Variants in DYNC2I2 observed in about 807,000 individuals in gnomAD.
DYNC2I2 encodes cytoplasmic dynein 2 intermediate chain 2.
Under a neutral mutation model 52.0 loss-of-function variants are expected in DYNC2I2, and 39 were observed. That is an observed-to-expected ratio of 0.75 (90% confidence interval 0.58 to 0.98). The LOEUF (loss-of-function observed/expected upper bound fraction) is 0.98. Among genes scored for constraint, DYNC2I2 ranks in the 50% least tolerant of loss-of-function variants. DYNC2I2 has a pLI of 0.00. For missense variants in DYNC2I2, 743 were observed against 728.4 expected (o/e 1.02, Z -0.23); for synonymous variants, 359 against 321.1 (o/e 1.12, Z -1.26).
chr9:128,644,557 G>A (rs939018892), intron 1 of DYNC2I2, among the ~76,000 whole-genome samples: 2 of 152,100 alleles, frequency 1.3e-5, no homozygotes, highest in Non-Finnish European at 2.9e-5. Flanking sequence ...GGGATTACAG[G>A]CGTGAGCCAC....
At chr9:128,658,721 A>ATTTTTTTT (rs746310535), upstream of DYNC2I2, among the ~76,000 whole-genome samples, 4 of 91,544 alleles carry the variant, frequency 4.4e-5, no homozygotes, top group Non-Finnish European at 6.1e-5. Context: ...ACCTGACCTA[A>ATTTTTTTT]TTTTTTTTTT....
chr9:128,669,156 G>A, the DYNC2I2 span, among the ~76,000 whole-genome samples: 3 of 152,168 alleles, frequency 2.0e-5, no homozygotes, highest in African/African-American at 7.2e-5. Context: ...ACGAGGTCAG[G>A]AGATCAAGAC....
In DYNC2I2 at chr9:128,635,694, G is replaced by T; in HGVS notation, c.777C>A (p.Gly259=). ...RLEDPLLWRT[G]LTDDTHTDPV... ...GGTCTGTGTGGGTGTCATCCGTCAG[G>T]CCTGTGCGCCACAGCAGCGGGTCCT... Residue 259 remains glycine, a synonymous_variant, in exon 5 of 9, where the codon GGC becomes GGA. Transcript: ENST00000372715. 6.2e-7 allele frequency: 1 copy of T among 1,612,338 alleles called. No homozygotes were observed.
the DYNC2I2 span, among the ~76,000 whole-genome samples, chr9:128,668,291 C>A: frequency 7.1e-6 from 1 of 140,504 alleles, no homozygotes. Flanking sequence ...AATCTGCCCG[C>A]CTCCGCCTCC....
upstream of DYNC2I2, among the ~76,000 whole-genome samples, chr9:128,660,213 G>C (rs1270748831): frequency 2.0e-5 from 3 of 150,624 alleles, no homozygotes; most frequent in East Asian, 5.9e-4. Context: ...GGTTCACGCC[G>C]TTCTCCTGCC....
the DYNC2I2 span, among the ~76,000 whole-genome samples, chr9:128,668,194 T>C: frequency 3.8e-3 from 580 of 151,696 alleles, 1 homozygote; most frequent in Non-Finnish European, 6.4e-3. Flanking sequence ...CTCCTGACCT[T>C]GTGATCCGCC....
At chr9:128,681,473 T>C in the DYNC2I2 span, among the ~76,000 whole-genome samples, 1 of 152,236 alleles carries the variant, frequency 6.6e-6, no homozygotes, top group African/African-American at 2.4e-5. Context: ...ACATTTGCAT[T>C]GTTTCCAGTT....
intron 1 of DYNC2I2, 135 bp from the exon 2 acceptor site, chr9:128,641,074 G>C (rs1035284448): frequency 1.4e-6 from 2 of 1,381,050 alleles, no homozygotes; most frequent in African/African-American, 2.9e-5. Context: ...TCTCAGTGAG[G>C]TCTTGGTTGG....
At chr9:128,656,362 C>T (rs1459602303) in intron 1 of DYNC2I2, among the ~76,000 whole-genome samples, 179 bp downstream of exon 1, 1 of 151,952 alleles carries the variant, frequency 6.6e-6, no homozygotes, top group Non-Finnish European at 1.5e-5. Flanking sequence ...TCCTCTGGGT[C>T]AGTTTCTGTG....
chr9:128,682,971 C>T, the DYNC2I2 span, among the ~76,000 whole-genome samples: 8 of 149,870 alleles, frequency 5.3e-5, no homozygotes, highest in African/African-American at 1.5e-4. Context: ...TCACTGCGCC[C>T]GGCTGGGACC....
chr9:128,679,149 T>C, the DYNC2I2 span, among the ~76,000 whole-genome samples: 4 of 152,274 alleles, frequency 2.6e-5, no homozygotes, highest in African/African-American at 9.6e-5. Context: ...GACTTAGGCT[T>C]GTTAGCAAGC....
chr9:128,656,894 G>C (rs2132191628), upstream of DYNC2I2: 2 of 712,596 alleles, frequency 2.8e-6, no homozygotes, highest in East Asian at 6.9e-5. Context: ...TTCTCGGCCA[G>C]AGAGAGAAGC....
the DYNC2I2 span, among the ~76,000 whole-genome samples, chr9:128,668,687 G>GCT: frequency 6.6e-6 from 1 of 151,802 alleles, no homozygotes; most frequent in Non-Finnish European, 1.5e-5. Context: ...AGGGATGGTG[G>GCT]CATGCACCTG....
rs544655044 is a variant in DYNC2I2, at chr9:128,656,713, G to T, written c.14C>A (p.Ala5Glu). Reference protein sequence around the residue: MATRAQPGPLSQAGS... With the variant: MATREQPGPLSQAGS... ...CGCCTGGCTGAGTGGCCCCGGCTGC[G>T]CGCGGGTTGCCATGGAGACGGTTCC... Residue 5 changes from alanine (A) to glutamate (E), a missense_variant, in exon 1 of 9, where the codon GCG becomes GAG. Transcript: ENST00000372715. The T allele has an allele frequency of 7.0e-7, 1 of 1,429,170 alleles. No individual in the cohort carries two copies. Among genetic ancestry groups the T allele is most frequent in the Middle Eastern group, 2.3e-4 (1 of 4,284 alleles). 88.5% of individuals were successfully genotyped at this position (1,429,170 alleles called of 1,614,324 possible).
intron 1 of DYNC2I2, 29 bp downstream of exon 1, chr9:128,656,512 G>A: frequency 7.9e-7 from 1 of 1,261,910 alleles, no homozygotes; most frequent in Non-Finnish European, 9.9e-7. Context: ...TCCCGCCCGC[G>A]TCGCTCCGCG....
chr9:128,634,547 C>A, intron 7 of DYNC2I2, 142 bp downstream of exon 7: 1 of 1,279,002 alleles, frequency 7.8e-7, no homozygotes, highest in Non-Finnish European at 1.1e-6. Flanking sequence ...ATGCCTGGGC[C>A]AACCACCAAA....
At chr9:128,683,535 T>G in the DYNC2I2 span, 1 of 256,086 alleles carries the variant, frequency 3.9e-6, no homozygotes. Context: ...CCTGTCTACC[T>G]GGGGGTTTGG....
intron 5 of DYNC2I2, 72 bp from the exon 6 acceptor site, chr9:128,635,331 C>T: frequency 6.6e-7 from 1 of 1,511,548 alleles, no homozygotes. Flanking sequence ...CCACCCCTAC[C>T]CTCCCTCTCT....
the DYNC2I2 span, among the ~76,000 whole-genome samples, chr9:128,682,730 C>T: frequency 1.4e-5 from 2 of 138,464 alleles, no homozygotes; most frequent in Non-Finnish European, 3.0e-5. Flanking sequence ...GGCTGGAGTG[C>T]AGTGTTGCGA....
Sources: allele counts gnomAD v4.1 joint callset (sites outside exome capture counted in the v4.1 genomes callset), GRCh38; gene constraint gnomAD v4.1.1; transcripts MANE v1.5; gene names NCBI Gene and HGNC (gene_info 2026-07-23, HGNC 2026-07-21).